Variants in ANK2 observed in about 807,000 individuals in gnomAD.
ANK2 encodes the protein ankyrin-2.
In ANK2, 83 loss-of-function variants were observed where a neutral mutation model predicts 360.5. That is an observed-to-expected ratio of 0.23 (90% confidence interval 0.19 to 0.28). The LOEUF is 0.28. Among genes scored for constraint, ANK2 ranks in the 10% least tolerant of loss-of-function variants. ANK2 has a pLI of 1.00. For synonymous variants in ANK2, 1,740 were observed against 1,759.5 expected (o/e 0.99, Z 0.28); for missense variants, 4,201 against 4,795.7 (o/e 0.88, Z 3.66).
chr4:112,897,524 T>C (rs909985922), intron 1 of ANK2, among the ~76,000 whole-genome samples: 1 of 151,338 alleles, frequency 6.6e-6, no homozygotes, highest in African/African-American at 2.5e-5. Flanking sequence ...GATCAGAAAT[T>C]AGTTGGCCAT....
intron 1 of ANK2, among the ~76,000 whole-genome samples, chr4:113,073,509 C>T (rs893091869): frequency 2.0e-5 from 3 of 151,810 alleles, no homozygotes; most frequent in East Asian, 1.9e-4. Flanking sequence ...CAGCCTGAAG[C>T]GTAGAAAGAA....
chr4:113,222,288 A>T (rs554469471), intron 4 of ANK2, among the ~76,000 whole-genome samples: 2 of 152,346 alleles, frequency 1.3e-5, no homozygotes, highest in African/African-American at 4.8e-5. Context: ...ATAATGTCAC[A>T]AGGCAGAGCT....
intron 4 of ANK2, among the ~76,000 whole-genome samples, chr4:113,228,804 G>T (rs1276026636): frequency 6.6e-6 from 1 of 152,216 alleles, no homozygotes; most frequent in East Asian, 1.9e-4. Flanking sequence ...TGCAAAAGAG[G>T]CCCGCTTGCA....
chr4:113,349,006 A>AG (rs1165193491), intron 36 of ANK2, among the ~76,000 whole-genome samples: 1 of 152,140 alleles, frequency 6.6e-6, no homozygotes, highest in Non-Finnish European at 1.5e-5. Flanking sequence ...ATCATAATGC[A>AG]GAACTATGCT....
chr4:113,023,888 G>T (rs1338745507), intron 2 of ANK2, among the ~76,000 whole-genome samples: 1 of 152,144 alleles, frequency 6.6e-6, no homozygotes, highest in African/African-American at 2.4e-5. Context: ...TTCTGTAGAA[G>T]ACATGCACAG....
chr4:113,182,437 T>C (rs766089473), intron 2 of ANK2, among the ~76,000 whole-genome samples: 15 of 152,316 alleles, frequency 9.8e-5, no homozygotes, highest in Non-Finnish European at 1.9e-4. Flanking sequence ...ACCGTGTTAC[T>C]GCATGAGGTC....
chr4:113,022,417 G>A (rs1256080785), intron 2 of ANK2, among the ~76,000 whole-genome samples: 3 of 152,060 alleles, frequency 2.0e-5, no homozygotes, highest in Admixed American at 1.3e-4. Context: ...TAGTTCAAAT[G>A]CTTCACCTTT....
intron 1 of ANK2, among the ~76,000 whole-genome samples, chr4:112,848,149 A>G (rs1295062566): frequency 6.6e-6 from 1 of 152,126 alleles, no homozygotes; most frequent in Non-Finnish European, 1.5e-5. Flanking sequence ...TATTTGAGAC[A>G]GAGTCTCACT....
intron 29 of ANK2, among the ~76,000 whole-genome samples, chr4:113,333,701 A>C (rs2092986034): frequency 1.3e-5 from 2 of 152,238 alleles, no homozygotes; most frequent in Admixed American, 1.3e-4. Flanking sequence ...GAATACTATA[A>C]TTTTTAAACT....
chr4:113,319,797 A>G (rs894584825), intron 26 of ANK2, among the ~76,000 whole-genome samples: 1 of 152,162 alleles, frequency 6.6e-6, no homozygotes, highest in Non-Finnish European at 1.5e-5. Context: ...TAAAAAAAGA[A>G]AGCTATAGAT....
At chr4:112,888,031 A>ATCATCTCAGTATCAG (rs2078905669) in intron 1 of ANK2, among the ~76,000 whole-genome samples, 1 of 152,174 alleles carries the variant, frequency 6.6e-6, no homozygotes, top group Non-Finnish European at 1.5e-5. Context: ...TTTTTCTCAG[A>ATCATCTCAGTATCAG]TATCATAGCT....
At position 113,355,015 on chromosome 4, in the gene ANK2, TCCA is replaced by T. The variant is rs1275330444; in HGVS notation, c.6399_6401del (p.Thr2134del). ...ACAGATCAGCCCAGATAGGAAAACCTCCACTGACTTCTCTGAGGTCATTAAGCA... is the reference window on the plus strand; with the variant it reads ...ACAGATCAGCCCAGATAGGAAAACCTCTGACTTCTCTGAGGTCATTAAGCA... On this transcript the variant is annotated inframe_deletion, in exon 38 of 46. Coordinates refer to ENST00000357077, the MANE Select transcript of ANK2 (RefSeq NM_001148.6). The T allele has an allele frequency of 6.2e-7, 1 of 1,613,710 alleles. No homozygotes were observed. Among genetic ancestry groups the T allele is most frequent in the Non-Finnish European group, 8.5e-7 (1 of 1,179,934 alleles).
At chr4:112,761,917 T>C in the ANK2 span, among the ~76,000 whole-genome samples, 1 of 152,250 alleles carries the variant, frequency 6.6e-6, no homozygotes, top group Admixed American at 6.5e-5. Context: ...AAATATTGAT[T>C]TCATCTAACT....
At chr4:112,738,882 CA>C in the ANK2 span, 1 of 670,796 alleles carries the variant, frequency 1.5e-6, no homozygotes, top group Non-Finnish European at 2.7e-6. Context: ...AACAAACAAA[CA>C]AACAAAAAAA....
the ANK2 span, among the ~76,000 whole-genome samples, chr4:112,785,498 C>A: frequency 6.6e-6 from 1 of 150,978 alleles, no homozygotes. Context: ...CTCAGCCTCT[C>A]GAGTAGCTGG....
chr4:112,754,095 C>T, the ANK2 span, among the ~76,000 whole-genome samples: 4 of 107,050 alleles, frequency 3.7e-5, no homozygotes, highest in Non-Finnish European at 6.9e-5. Context: ...GAGACTCTGT[C>T]TCAAAAAAAA....
At chr4:112,878,741 T>C (rs1205135785) in intron 1 of ANK2, among the ~76,000 whole-genome samples, 3 of 151,958 alleles carry the variant, frequency 2.0e-5, no homozygotes, top group Admixed American at 6.6e-5. Flanking sequence ...TCACGCCATT[T>C]TCCTGCCTCA....
intron 2 of ANK2, among the ~76,000 whole-genome samples, chr4:112,999,777 C>T (rs575253059): frequency 3.9e-5 from 6 of 152,082 alleles, no homozygotes; most frequent in African/African-American, 4.8e-5. Flanking sequence ...CCCCTGGAAT[C>T]GTCTTACTTT....
At chr4:112,896,274 A>G (rs2081706877) in intron 1 of ANK2, among the ~76,000 whole-genome samples, 1 of 152,174 alleles carries the variant, frequency 6.6e-6, no homozygotes, top group African/African-American at 2.4e-5. Context: ...TTCTTTTGCC[A>G]TGTGTGATAT....
Sources: gnomAD v4.1 joint callset for allele counts (sites outside exome capture counted in the v4.1 genomes callset) on GRCh38, gnomAD v4.1.1 for gene constraint, MANE v1.5 for transcripts, NCBI Gene and HGNC (gene_info 2026-07-23, HGNC 2026-07-21) for gene names.